CEP76: variants seen among roughly 807,000 people sequenced by gnomAD.
CEP76 encodes centrosomal protein 76.
A neutral mutation model predicts 83.3 loss-of-function variants in CEP76; 55 were observed. The ratio of observed to expected loss-of-function variants is 0.66; its 90% CI spans 0.53 to 0.83. The LOEUF is 0.83. Among genes scored for constraint, CEP76 ranks in the 40% least tolerant of loss-of-function variants. The pLI is 0.00. For missense variants in CEP76, 694 were observed against 799.5 expected (o/e 0.87, Z 1.59); for synonymous variants, 270 against 274.5 (o/e 0.98, Z 0.16).
chr18:12,694,783 C>T (rs2039890534), intron 6 of CEP76, among the ~76,000 whole-genome samples: 1 of 151,150 alleles, frequency 6.6e-6, no homozygotes, highest in South Asian at 2.1e-4. Context: ...GCGATCTGGG[C>T]TCACTGCAAG....
At position 12,699,237 on chromosome 18, in the gene CEP76, C is replaced by A; in HGVS notation, c.296-34G>T. 3 of 1,370,624 alleles carry A rather than the reference C, an allele frequency of 2.2e-6. No individual in the cohort carries two copies. The South Asian group carries it at 3.8e-5, about 17-fold the overall frequency. 84.9% of individuals were successfully genotyped at this position (1,370,624 alleles called of 1,614,324 possible). A position where few individuals can be genotyped will look rare whatever the true frequency, so the allele number is the denominator to read the frequency against. On this transcript the variant is annotated intron_variant, in intron 3 of 11. Coordinates refer to ENST00000262127, the MANE Select transcript of CEP76 (RefSeq NM_024899.4). ...TGTAGCAATATATATGAGGAAACTG[C>A]CAAATAACTTAAAAGAATGTGATCA...
chr18:12,686,132 G>A (rs893693623), intron 8 of CEP76, 130 bp downstream of exon 8: 2 of 580,900 alleles, frequency 3.4e-6, no homozygotes, highest in African/African-American at 3.8e-5. Flanking sequence ...TGAATCTACA[G>A]ATACAGAACC....
chr18:12,698,847 G>T, intron 4 of CEP76, 132 bp downstream of exon 4: 1 of 647,260 alleles, frequency 1.5e-6, no homozygotes, highest in East Asian at 2.8e-5. Context: ...AAATTGAAAA[G>T]AGCAGTGGGA....
rs183304456 is a variant in CEP76, at chr18:12,690,944, C to G, written c.933+415G>C. Among the ~76,000 whole-genome samples, 669 of 151,248 alleles carry G rather than the reference C, an allele frequency of 4.4e-3. 5 individuals are homozygous for G. The highest frequency in any genetic ancestry group is 7.1e-3 in the Non-Finnish European group (481 of 67,712). On this transcript the variant is annotated intron_variant, in intron 7 of 11. Coordinates refer to ENST00000262127, the MANE Select transcript of CEP76 (RefSeq NM_024899.4). ...AAAATATATATATGCCCAGAGCCCCCCCCCGTTCTGCACACAAGAGCTGGA... is the reference window on the plus strand; with the variant it reads ...AAAATATATATATGCCCAGAGCCCCGCCCCGTTCTGCACACAAGAGCTGGA...
chr18:12,662,706 G>C (rs2038719307), intron 12 of CEP76, among the ~76,000 whole-genome samples: 1 of 152,200 alleles, frequency 6.6e-6, no homozygotes, highest in Admixed American at 6.6e-5. Context: ...GAGCCCAGGA[G>C]GCAGAGGCTG....
intron 6 of CEP76, among the ~76,000 whole-genome samples, chr18:12,694,379 C>T (rs189214745): frequency 8.5e-5 from 13 of 152,206 alleles, no homozygotes; most frequent in Middle Eastern, 3.4e-3. Context: ...AGTGCCATCC[C>T]GGCAAGTCAG....
At chr18:12,685,018 T>G (rs2039490080) in intron 8 of CEP76, 1 of 152,078 alleles carries the variant, frequency 6.6e-6, no homozygotes, top group African/African-American at 2.4e-5. Flanking sequence ...TTCTCTTTTT[T>G]TTTTATGGAG....
downstream of CEP76, among the ~76,000 whole-genome samples, chr18:12,671,313 T>G (rs1361181414): frequency 6.6e-6 from 1 of 152,062 alleles, no homozygotes; most frequent in East Asian, 1.9e-4. Context: ...TTTGTAGGGG[T>G]GAATTAAAGT....
intron 4 of CEP76, among the ~76,000 whole-genome samples, chr18:12,697,852 G>C (rs1035173218): frequency 5.3e-5 from 8 of 152,034 alleles, no homozygotes; most frequent in Non-Finnish European, 1.0e-4. Context: ...CCTATTAATT[G>C]CCTTATTAAG....
chr18:12,696,437 G>T (rs1296144565), intron 5 of CEP76, among the ~76,000 whole-genome samples: 2 of 151,908 alleles, frequency 1.3e-5, no homozygotes, highest in African/African-American at 2.4e-5. Context: ...CAGGAGGCGG[G>T]GGTTGCAGTG....
intron 5 of CEP76, 76 bp downstream of exon 5, chr18:12,697,147 T>C (rs1314641080): frequency 1.8e-6 from 2 of 1,107,564 alleles, no homozygotes; most frequent in Non-Finnish European, 2.6e-6. Context: ...TATAAAAGCA[T>C]TTTAAAGATA....
At chr18:12,696,275 C>T (rs1388952199) in intron 5 of CEP76, among the ~76,000 whole-genome samples, 1 of 152,134 alleles carries the variant, frequency 6.6e-6, no homozygotes, top group Non-Finnish European at 1.5e-5. Context: ...GAGGCCGAGG[C>T]GGGCAGATCA....
chr18:12,693,245 T>C (rs925863954), intron 6 of CEP76, among the ~76,000 whole-genome samples: 1 of 152,046 alleles, frequency 6.6e-6, no homozygotes, highest in Non-Finnish European at 1.5e-5. Context: ...AAAATACATA[T>C]AAAATAATGT....
intron 9 of CEP76, among the ~76,000 whole-genome samples, chr18:12,679,775 T>C (rs1175802710): frequency 6.6e-6 from 1 of 152,078 alleles, no homozygotes; most frequent in African/African-American, 2.4e-5. Flanking sequence ...GAAAAAAACA[T>C]ATGCCAGCCA....
At chr18:12,690,949 G>A (rs1416607867) in intron 7 of CEP76, among the ~76,000 whole-genome samples, 3 of 129,210 alleles carry the variant, frequency 2.3e-5, no homozygotes, top group East Asian at 2.4e-4. Flanking sequence ...GCCCCCCCCC[G>A]TTCTGCACAC....
chr18:12,664,222 T>A (rs2038757940), intron 12 of CEP76, among the ~76,000 whole-genome samples: 1 of 151,934 alleles, frequency 6.6e-6, no homozygotes, highest in Admixed American at 6.6e-5. Context: ...ACTACAGGGA[T>A]GTGCCACCAC....
At chr18:12,685,275 C>G (rs1053777948) in intron 8 of CEP76, 1 of 152,288 alleles carries the variant, frequency 6.6e-6, no homozygotes, top group Non-Finnish European at 1.5e-5. Context: ...GCTGGGATTA[C>G]AGGCATGAGC....
rs2038990454 is a variant in CEP76 at position 12,673,177 on chromosome 18, T to C, written c.*188A>G. On this transcript the variant is annotated 3_prime_UTR_variant, in exon 12 of 12. Coordinates refer to ENST00000262127, the MANE Select transcript of CEP76 (RefSeq NM_024899.4). The stretch of plus-strand genomic sequence containing the variant: ...ATTCCAGGGAGATTTATACAAGTTT[T>C]TCAGCCTTAATTTTTAAAGGAATGC... 7.9e-7 allele frequency: 1 copy of C among 1,258,192 alleles called. No homozygotes were observed. 77.9% of individuals were successfully genotyped at this position (1,258,192 alleles called of 1,614,324 possible). A position where few individuals can be genotyped will look rare whatever the true frequency, so the allele number is the denominator to read the frequency against.
Position 12,699,858 on chromosome 18 carries a change from A to G in CEP76, c.267T>C (p.Cys89=). ...ELPSSPKQPI[C]FDRQSTLKKT... is the part of the protein sequence containing the mutation. ...TTTTTAATGTCGATTGTCTATCAAAACAAATAGGTTGTTTTGGAGAGGAAG... is the reference window on the plus strand; with the variant it reads ...TTTTTAATGTCGATTGTCTATCAAAGCAAATAGGTTGTTTTGGAGAGGAAG... The change falls in exon 3 of 12, where the codon TGT becomes TGC. Residue 89 remains cysteine (C), a synonymous_variant. Transcript: ENST00000262127. 1 of 1,593,996 alleles carries G rather than the reference A, an allele frequency of 6.3e-7. No homozygotes were observed. The highest frequency in any genetic ancestry group is 8.5e-7 in the Non-Finnish European group (1 of 1,169,800).
Sources: allele counts gnomAD v4.1 joint callset (sites outside exome capture counted in the v4.1 genomes callset), GRCh38; gene constraint gnomAD v4.1.1; transcripts MANE v1.5; gene names NCBI Gene and HGNC (gene_info 2026-07-23, HGNC 2026-07-21).